Variants in NEK11 observed in about 807,000 individuals in gnomAD.
NEK11 encodes NIMA related kinase 11, also known as serine/threonine-protein kinase Nek11.
In NEK11, 72 loss-of-function variants were observed where a neutral mutation model predicts 80.7. That is an observed-to-expected ratio of 0.89 (90% CI 0.74 to 1.08). The LOEUF is 1.08. NEK11 is among the 50% of genes least tolerant of loss of function. The pLI, the probability that NEK11 is intolerant of heterozygous loss-of-function variation, is 0.00. For missense variants in NEK11, 764 were observed against 763.6 expected (o/e 1.00, Z -0.01); for synonymous variants, 251 against 260.7 (o/e 0.96, Z 0.36).
At chr3:131,186,386 A>G (rs545029149) in intron 14 of NEK11, among the ~76,000 whole-genome samples, 20 of 152,248 alleles carry the variant, frequency 1.3e-4, no homozygotes, top group Non-Finnish European at 2.1e-4. Context: ...CATCTTTGTC[A>G]GGTCTGTAGA....
chr3:131,179,501 T>C (rs2150148862), intron 14 of NEK11, among the ~76,000 whole-genome samples: 1 of 152,292 alleles, frequency 6.6e-6, no homozygotes. Flanking sequence ...TTTCATGAAA[T>C]TTCAGAGTGG....
chr3:131,047,447 T>G (rs1358239721), intron 3 of NEK11, among the ~76,000 whole-genome samples: 2 of 152,190 alleles, frequency 1.3e-5, no homozygotes, highest in Non-Finnish European at 2.9e-5. Flanking sequence ...CTGTTTAGAT[T>G]CTTTTGTCTC....
chr3:131,247,120 T>C (rs1367497741), intron 16 of NEK11, among the ~76,000 whole-genome samples: 2 of 152,174 alleles, frequency 1.3e-5, no homozygotes, highest in Admixed American at 1.3e-4. Context: ...CTTTTTAGTT[T>C]AATTAAGTCC....
At chr3:131,193,381 A>C (rs1392041872) in intron 14 of NEK11, among the ~76,000 whole-genome samples, 2 of 152,140 alleles carry the variant, frequency 1.3e-5, no homozygotes, top group Non-Finnish European at 2.9e-5. Context: ...AGTCTCAGAG[A>C]CTTCCAGGGG....
chr3:131,090,824 G>A (rs569149492), intron 4 of NEK11, among the ~76,000 whole-genome samples: 26 of 152,270 alleles, frequency 1.7e-4, no homozygotes, highest in African/African-American at 6.0e-4. Flanking sequence ...GAGTGCAGTG[G>A]TGCAATCATA....
rs192298637 is a variant in NEK11, at chr3:131,210,267, A to G, written c.1400-18261A>G. ...CCCAGGAGCAGGTTGTTCGGTTTCC[A>G]TGTAGTTGTGTGGTTTTGAGTGAGT... On this transcript the variant is annotated intron_variant, in intron 14 of 17. Coordinates refer to ENST00000383366, the MANE Select transcript of NEK11 (RefSeq NM_024800.5). Among the ~76,000 whole-genome samples the G allele has an allele frequency of 1.9e-4, 29 of 152,278 alleles. 1 individual carries two copies. Among genetic ancestry groups the G allele is most frequent in the Admixed American group, 1.4e-3 (21 of 15,294 alleles).
intron 17 of NEK11, among the ~76,000 whole-genome samples, chr3:131,338,295 A>G (rs1271400819): frequency 8.0e-6 from 1 of 125,586 alleles, no homozygotes; most frequent in Non-Finnish European, 1.6e-5. Context: ...TTTTTTTAAT[A>G]CTAAGTCTGG....
intron 4 of NEK11, among the ~76,000 whole-genome samples, chr3:131,105,920 C>T (rs1400839472): frequency 6.6e-6 from 1 of 152,188 alleles, no homozygotes; most frequent in Admixed American, 6.5e-5. Flanking sequence ...TTTAACAGAA[C>T]AATTCACATC....
intron 14 of NEK11, among the ~76,000 whole-genome samples, chr3:131,176,579 G>A (rs941607536): frequency 6.6e-6 from 1 of 152,088 alleles, no homozygotes; most frequent in Non-Finnish European, 1.5e-5. Flanking sequence ...TCCACCCTGA[G>A]GCATATTTAA....
At chr3:131,066,605 G>C (rs1243877435) in intron 3 of NEK11, among the ~76,000 whole-genome samples, 1 of 151,944 alleles carries the variant, frequency 6.6e-6, no homozygotes, top group Non-Finnish European at 1.5e-5. Context: ...AGGTCAAGGC[G>C]GGCTGATCAC....
intron 17 of NEK11, chr3:131,325,826 A>G (rs2096958622): frequency 6.6e-6 from 1 of 151,852 alleles, no homozygotes; most frequent in African/African-American, 2.4e-5. Flanking sequence ...CTTAATTGCT[A>G]TTGTTATTTA....
intron 3 of NEK11, among the ~76,000 whole-genome samples, chr3:131,074,557 A>C (rs2148959350): frequency 6.6e-6 from 1 of 152,278 alleles, no homozygotes; most frequent in Middle Eastern, 3.4e-3. Context: ...TCATTTTTTA[A>C]AAGAGTCATA....
intron 17 of NEK11, among the ~76,000 whole-genome samples, chr3:131,284,036 A>C (rs559049446): frequency 9.2e-5 from 14 of 152,298 alleles, no homozygotes; most frequent in East Asian, 5.8e-4. Flanking sequence ...ACACCTTACA[A>C]CCTAGCTAGG....
intron 14 of NEK11, among the ~76,000 whole-genome samples, chr3:131,177,583 A>AT (rs2093103016): frequency 6.6e-6 from 1 of 152,164 alleles, no homozygotes; most frequent in Admixed American, 6.5e-5. Context: ...ACGTGAGAAG[A>AT]TGTCTCCTAC....
chr3:131,262,307 G>A (rs2095940530), intron 16 of NEK11, among the ~76,000 whole-genome samples: 1 of 152,090 alleles, frequency 6.6e-6, no homozygotes, highest in Non-Finnish European at 1.5e-5. Flanking sequence ...AATCACTTGA[G>A]CCTAGGAGTT....
rs541389532 is a variant in NEK11, at chr3:131,044,451, G to A, written c.170+14573G>A. Among the ~76,000 whole-genome samples the A allele has an allele frequency of 4.4e-3, 662 of 149,324 alleles. 15 individuals carry two copies. The highest frequency in any genetic ancestry group is 0.015 in the African/African-American group (617 of 40,254). The stretch of plus-strand genomic sequence containing the variant: ...AAAAAAAAAAAAAAAAAAGGTGGGG[G>A]GGGGGGTTGGAATCCTAGTCTCTAG... On this transcript the variant is annotated intron_variant, in intron 3 of 17. Transcript: ENST00000383366.
At chr3:131,319,635 C>T (rs2096877893) in intron 17 of NEK11, among the ~76,000 whole-genome samples, 1 of 152,126 alleles carries the variant, frequency 6.6e-6, no homozygotes, top group South Asian at 2.1e-4. Context: ...TCAGAGTTTA[C>T]CTGACTGTGA....
chr3:131,133,238 A>G, intron 6 of NEK11: 3 of 455,094 alleles, frequency 6.6e-6, no homozygotes, highest in Non-Finnish European at 1.3e-5. Context: ...GGCTTTATTA[A>G]CCTTTAGTTC....
intron 7 of NEK11, 87 bp downstream of exon 7, chr3:131,134,043 C>A (rs906975338): frequency 2.6e-6 from 3 of 1,158,762 alleles, no homozygotes; most frequent in African/African-American, 3.1e-5. Context: ...TTACTGCATA[C>A]ATTCACTTTA....
Sources: gnomAD v4.1 joint callset for allele counts (sites outside exome capture counted in the v4.1 genomes callset) on GRCh38, gnomAD v4.1.1 for gene constraint, MANE v1.5 for transcripts, NCBI Gene and HGNC (gene_info 2026-07-23, HGNC 2026-07-21) for gene names.